The following NEK1 variants were observed in gnomAD, a reference collection of about 807,000 sequenced individuals.
NEK1 encodes serine/threonine-protein kinase Nek1.
NEK1 carries 137 observed loss-of-function variants against 182.1 expected under a neutral mutation model. The observed-to-expected ratio is 0.75, with a 90% CI of 0.65 to 0.87. The LOEUF (loss-of-function observed/expected upper bound fraction) is 0.87. Ranked by LOEUF, NEK1 falls within the 40% of genes least tolerant of loss-of-function variation. The probability of loss-of-function intolerance (pLI) is 0.00; values close to 1 mark genes in which losing one functional copy is unlikely to be tolerated. For missense variants in NEK1, 1,391 were observed against 1,494.4 expected, an observed-to-expected ratio of 0.93 and a Z score of 1.14; for synonymous variants, 513 against 492.2, an observed-to-expected ratio of 1.04 and a Z score of -0.56.
rs1035692516 is a variant in NEK1, at chr4:169,479,576, T to A, written c.2008-42A>T. On this transcript the variant is annotated intron_variant, in intron 23 of 35. Transcript: ENST00000507142. ...TATTAAATACATTAGGGATTTTATA[T>A]TTGTATGAAGAAATAAAATGGTACC... The A allele has an allele frequency of 3.4e-6, 5 of 1,490,922 alleles. No homozygotes were observed. The African/African-American group carries it at 7.1e-5, about 21-fold the overall frequency. 92.4% of individuals were successfully genotyped at this position (1,490,922 alleles called of 1,614,324 possible). A position where few individuals can be genotyped will look rare whatever the true frequency, so the allele number is the denominator to read the frequency against.
chr4:169,594,884 C>T (rs1207233700), intron 5 of NEK1, among the ~76,000 whole-genome samples: 2 of 152,162 alleles, frequency 1.3e-5, no homozygotes, highest in Non-Finnish European at 1.5e-5. Context: ...CATTTTTATC[C>T]TCAAGAAAAA....
At chr4:169,555,116 A>C (rs1459751256) in intron 18 of NEK1, 1 of 152,504 alleles carries the variant, frequency 6.6e-6, no homozygotes, top group Non-Finnish European at 1.5e-5. Flanking sequence ...GATGCTTCAT[A>C]TATCAGGCTT....
intron 18 of NEK1, among the ~76,000 whole-genome samples, chr4:169,544,575 C>T (rs182529965): frequency 5.9e-5 from 8 of 135,022 alleles, no homozygotes; most frequent in Non-Finnish European, 1.1e-4. Context: ...TGGTAGAATT[C>T]GGCTGTGAAT....
intron 19 of NEK1, among the ~76,000 whole-genome samples, chr4:169,509,261 C>T (rs866967969): frequency 4.6e-5 from 7 of 152,176 alleles, no homozygotes; most frequent in Middle Eastern, 3.4e-3. Context: ...TATTTGAGAT[C>T]ACTTTTTCTG....
chr4:169,599,892 CTTTT>C (rs564714528), intron 4 of NEK1, among the ~76,000 whole-genome samples: 1 of 148,426 alleles, frequency 6.7e-6, no homozygotes, highest in South Asian at 2.2e-4. Flanking sequence ...TTTATTTAGG[CTTTT>C]TTTTTTCTTT....
At chr4:169,578,708 A>G (rs1766110396) in intron 11 of NEK1, among the ~76,000 whole-genome samples, 1 of 152,228 alleles carries the variant, frequency 6.6e-6, no homozygotes, top group Non-Finnish European at 1.5e-5. Context: ...TATAATAAAT[A>G]TCTATTTTGC....
intron 18 of NEK1, among the ~76,000 whole-genome samples, chr4:169,551,246 C>A (rs1052030086): frequency 2.0e-5 from 3 of 152,178 alleles, no homozygotes; most frequent in African/African-American, 7.2e-5. Flanking sequence ...GGCAATAAAA[C>A]AGGCACTATC....
At chr4:169,557,710 A>G (rs1762351303) in intron 16 of NEK1, among the ~76,000 whole-genome samples, 2 of 152,190 alleles carry the variant, frequency 1.3e-5, no homozygotes, top group Non-Finnish European at 2.9e-5. Flanking sequence ...AGGTGGGCAG[A>G]TTGCTTGAGC....
intron 9 of NEK1, among the ~76,000 whole-genome samples, chr4:169,586,868 A>T (rs1767624763): frequency 6.6e-6 from 1 of 151,942 alleles, no homozygotes; most frequent in African/African-American, 2.4e-5. Context: ...AGAAAAAAAA[A>T]TTTCATTTTA....
chr4:169,544,648 C>A (rs1257407879), intron 18 of NEK1, among the ~76,000 whole-genome samples: 1 of 116,786 alleles, frequency 8.6e-6, no homozygotes, highest in African/African-American at 3.3e-5. Flanking sequence ...TTAATTACTG[C>A]CTCAATTTCA....
intron 12 of NEK1, among the ~76,000 whole-genome samples, chr4:169,572,838 G>A (rs546829872): frequency 9.8e-5 from 15 of 152,304 alleles, no homozygotes; most frequent in Admixed American, 6.5e-4. Context: ...GACATCAGGA[G>A]CCATTTCACA....
chr4:169,435,742 G>A (rs1011401516), intron 28 of NEK1, among the ~76,000 whole-genome samples: 5 of 152,002 alleles, frequency 3.3e-5, no homozygotes, highest in South Asian at 2.1e-4. Context: ...AGAGGGACCC[G>A]AATAAGCCCT....
At chr4:169,575,772 A>G (rs1351089610) in intron 12 of NEK1, among the ~76,000 whole-genome samples, 1 of 151,858 alleles carries the variant, frequency 6.6e-6, no homozygotes, top group African/African-American at 2.4e-5. Context: ...CTACTGCCAT[A>G]CCCTACCCAG....
chr4:169,422,038 T>C (rs1735566867), intron 31 of NEK1, among the ~76,000 whole-genome samples: 1 of 152,044 alleles, frequency 6.6e-6, no homozygotes, highest in Non-Finnish European at 1.5e-5. Context: ...AAGTACAATA[T>C]AAAGGGAGCC....
chr4:169,465,622 A>G (rs1186978936), intron 26 of NEK1, among the ~76,000 whole-genome samples: 1 of 152,176 alleles, frequency 6.6e-6, no homozygotes, highest in African/African-American at 2.4e-5. Context: ...CAATACTTCG[A>G]GTTCACACAG....
intron 23 of NEK1, among the ~76,000 whole-genome samples, chr4:169,494,487 C>A (rs1046275545): frequency 9.2e-5 from 14 of 152,160 alleles, no homozygotes; most frequent in African/African-American, 1.2e-4. Context: ...ATTCTTAATT[C>A]AGTCTATCAT....
chr4:169,523,241 C>T (rs2149758158), intron 19 of NEK1, among the ~76,000 whole-genome samples: 1 of 152,296 alleles, frequency 6.6e-6, no homozygotes, highest in South Asian at 2.1e-4. Flanking sequence ...TAAGAGATTG[C>T]TATGTTGAAC....
intron 29 of NEK1, among the ~76,000 whole-genome samples, chr4:169,432,884 C>G (rs1447718754): frequency 6.6e-6 from 1 of 152,014 alleles, no homozygotes; most frequent in Non-Finnish European, 1.5e-5. Context: ...AGTGATTCTC[C>G]TGCCTCAGCC....
intron 19 of NEK1, among the ~76,000 whole-genome samples, chr4:169,525,907 G>A (rs114814628): frequency 0.012 from 1,845 of 152,278 alleles, 32 homozygotes; most frequent in African/African-American, 0.042. Flanking sequence ...GCATTACTAC[G>A]TGATCTTGGG....
Sources: gnomAD v4.1 joint callset for allele counts (sites outside exome capture counted in the v4.1 genomes callset) on GRCh38, gnomAD v4.1.1 for gene constraint, MANE v1.5 for transcripts, NCBI Gene and HGNC (gene_info 2026-07-23, HGNC 2026-07-21) for gene names.